The following APP variants were observed in gnomAD, a reference collection of about 807,000 sequenced individuals.
APP encodes amyloid-beta precursor protein.
APP carries 31 observed loss-of-function variants against 101.4 expected under a neutral mutation model. The ratio of observed to expected loss-of-function variants is 0.31; its 90% CI spans 0.23 to 0.41. APP has a LOEUF of 0.41. APP is among the 10% of genes least tolerant of loss of function. The pLI, the probability that APP is intolerant of heterozygous loss-of-function variation, is 1.00. For missense variants in APP, 839 were observed against 1,003.7 expected (o/e 0.84, Z 2.22); for synonymous variants, 366 against 364.4 (o/e 1.00, Z -0.05).
At chr21:26,023,373 TA>T (rs35579863) in intron 5 of APP, among the ~76,000 whole-genome samples, 1,205 of 109,780 alleles carry the variant, frequency 0.011, 27 homozygotes, top group East Asian at 0.11. Flanking sequence ...CCAAAAAAAT[TA>T]AAAAAAAAAA....
intron 17 of APP, among the ~76,000 whole-genome samples, chr21:25,885,517 CACAT>C (rs1415898698): frequency 4.6e-5 from 7 of 152,318 alleles, no homozygotes; most frequent in African/African-American, 1.4e-4. Flanking sequence ...GATGAAGACA[CACAT>C]ACATACAACC....
chr21:26,088,641 G>A (rs1484672608), intron 3 of APP, among the ~76,000 whole-genome samples: 1 of 151,974 alleles, frequency 6.6e-6, no homozygotes, highest in African/African-American at 2.4e-5. Flanking sequence ...ACAGTTCCTG[G>A]GGACAGATGA....
chr21:26,136,139 A>AAAAAGAAAAGAAAAG (rs145227817), intron 1 of APP, among the ~76,000 whole-genome samples: 1 of 74,820 alleles, frequency 1.3e-5, no homozygotes, highest in Non-Finnish European at 2.2e-5. Context: ...TCAAAAAAGA[A>AAAAAGAAAAGAAAAG]AAAAGAAAAG....
intron 6 of APP, among the ~76,000 whole-genome samples, chr21:26,010,199 G>C (rs1012121774): frequency 7.1e-6 from 1 of 141,426 alleles, no homozygotes; most frequent in African/African-American, 2.6e-5. Context: ...AGGGGAGAGT[G>C]AATTCCTTTT....
chr21:26,102,553 A>C (rs1426928417), intron 2 of APP, among the ~76,000 whole-genome samples: 3 of 152,092 alleles, frequency 2.0e-5, no homozygotes, highest in African/African-American at 7.2e-5. Flanking sequence ...AAATTTTGGT[A>C]CTATAATAGT....
chr21:26,164,542 T>A (rs1601605610), intron 1 of APP, among the ~76,000 whole-genome samples: 1 of 152,164 alleles, frequency 6.6e-6, no homozygotes, highest in Non-Finnish European at 1.5e-5. Flanking sequence ...CAAGCCAGTG[T>A]ATAAACTTGC....
At chr21:26,128,636 AAC>A (rs1383591005) in intron 1 of APP, among the ~76,000 whole-genome samples, 1 of 152,182 alleles carries the variant, frequency 6.6e-6, no homozygotes, top group African/African-American at 2.4e-5. Context: ...AGAAAATGTC[AAC>A]AGTTATTACC....
chr21:26,026,288 A>AC lies in APP; in HGVS notation c.663-4247dup, dbSNP rs150947849. ...TACAGCTTTTAAACACCAATAACAA[A>AC]CATTTTTACAGAACAAGGGAACCAT... On this transcript the variant is annotated intron_variant, in intron 5 of 17. Transcript: ENST00000346798. Among the ~76,000 whole-genome samples the AC allele has an allele frequency of 7.4e-3, 1,126 of 152,348 alleles. 19 individuals are homozygous for AC. Among genetic ancestry groups the AC allele is most frequent in the African/African-American group, 0.026 (1,073 of 41,584 alleles).
intron 2 of APP, among the ~76,000 whole-genome samples, chr21:26,102,687 TCGAGACCAGCCTGG>T (rs915179480): frequency 6.6e-6 from 1 of 151,724 alleles, no homozygotes; most frequent in Admixed American, 6.6e-5. Context: ...GGTCAGGAGT[TCGAGACCAGCCTGG>T]CCAACATGGT....
chr21:26,140,251 A>G, intron 1 of APP: 7 of 1,536,032 alleles, frequency 4.6e-6, no homozygotes, highest in Non-Finnish European at 6.1e-6. Context: ...CAACTGTGGA[A>G]TACTCCCTGA....
At chr21:25,888,770 A>G (rs1179937780) in intron 17 of APP, among the ~76,000 whole-genome samples, 4 of 122,934 alleles carry the variant, frequency 3.3e-5, no homozygotes, top group Admixed American at 1.7e-4. Context: ...TGGTAAACTG[A>G]CTAAAAAAAG....
chr21:26,171,031 G>A (rs2063735724), upstream of APP: 1 of 166,242 alleles, frequency 6.0e-6, no homozygotes, highest in East Asian at 1.7e-4. Context: ...CCAGGAGAGG[G>A]ACGGTGCAGG....
At chr21:25,924,554 C>G (rs978914073) in intron 13 of APP, among the ~76,000 whole-genome samples, 3 of 149,492 alleles carry the variant, frequency 2.0e-5, no homozygotes, top group African/African-American at 7.4e-5. Context: ...TAAGTGGGAG[C>G]TGAACAATGA....
chr21:25,961,917 A>T (rs561914845), intron 11 of APP, among the ~76,000 whole-genome samples: 103 of 151,394 alleles, frequency 6.8e-4, no homozygotes, highest in African/African-American at 2.4e-3. Context: ...TTTTTTTTTT[A>T]ACCTGCAGGC....
chr21:25,950,947 T>C (rs2041048653), intron 13 of APP, among the ~76,000 whole-genome samples: 1 of 152,152 alleles, frequency 6.6e-6, no homozygotes. Flanking sequence ...ACAAGTAAAT[T>C]TCCAGAAGGA....
chr21:26,163,066 A>G (rs994570553), intron 1 of APP, among the ~76,000 whole-genome samples: 11 of 52,648 alleles, frequency 2.1e-4, no homozygotes, highest in Non-Finnish European at 2.6e-4. Flanking sequence ...TGTCTCTACT[A>G]AAAAAAAAAA....
intron 6 of APP, among the ~76,000 whole-genome samples, chr21:26,012,663 G>T (rs2043860546): frequency 6.6e-6 from 1 of 152,104 alleles, no homozygotes; most frequent in Admixed American, 6.5e-5. Flanking sequence ...TACTTAATCA[G>T]ACCTATGGCT....
intron 13 of APP, among the ~76,000 whole-genome samples, chr21:25,935,678 A>G (rs979164491): frequency 6.6e-6 from 1 of 151,886 alleles, no homozygotes; most frequent in Admixed American, 6.6e-5. Flanking sequence ...CGTCTCTACT[A>G]AAAATACAAA....
At chr21:25,949,625 C>G (rs1251812825) in intron 13 of APP, among the ~76,000 whole-genome samples, 1 of 152,118 alleles carries the variant, frequency 6.6e-6, no homozygotes, top group Non-Finnish European at 1.5e-5. Flanking sequence ...TTACTAATAT[C>G]TAAAAAGTAC....
Sources: gnomAD v4.1 joint callset for allele counts (sites outside exome capture counted in the v4.1 genomes callset) on GRCh38, gnomAD v4.1.1 for gene constraint, MANE v1.5 for transcripts, NCBI Gene and HGNC (gene_info 2026-07-23, HGNC 2026-07-21) for gene names.